CSNK1A1: variants seen among roughly 807,000 people sequenced by gnomAD.
The protein encoded by CSNK1A1 is casein kinase 1 alpha 1.
A neutral mutation model predicts 46.1 loss-of-function variants in CSNK1A1; 7 were observed. The observed-to-expected ratio is 0.15, with a 90% CI of 0.09 to 0.29. The LOEUF is 0.29. CSNK1A1 is among the 10% of genes least tolerant of loss of function. The pLI is 1.00. For synonymous variants in CSNK1A1, 137 were observed against 141.5 expected (o/e 0.97, Z 0.23); for missense variants, 96 against 417.1 (o/e 0.23, Z 6.71).
chr5:149,546,777 A>G lies in CSNK1A1; in HGVS notation c.230+3298T>C, dbSNP rs187595791. Among the ~76,000 whole-genome samples, 344 of 152,348 alleles carry G rather than the reference A, an allele frequency of 2.3e-3. 1 individual carries two copies. The highest frequency in any genetic ancestry group is 3.8e-3 in the Non-Finnish European group (256 of 68,038). On this transcript the variant is annotated intron_variant, in intron 2 of 9. Transcript: ENST00000377843. ...ATACTTCTAAAACAATAGATAACAC[A>G]TAACTTTTATCTAGCTAACACTAAA...
intron 2 of CSNK1A1, among the ~76,000 whole-genome samples, chr5:149,546,494 G>T (rs745723249): frequency 6.6e-6 from 1 of 151,950 alleles, no homozygotes; most frequent in African/African-American, 2.4e-5. Context: ...TTAGCTGGGC[G>T]TGGCAGCACG....
chr5:149,550,019 C>A lies in CSNK1A1; in HGVS notation c.230+56G>T, dbSNP rs1255805176. 87 of 1,582,756 alleles carry A rather than the reference C, an allele frequency of 5.5e-5. No homozygotes were observed. The highest frequency in any genetic ancestry group is 7.4e-5 in the Non-Finnish European group (86 of 1,161,290). On this transcript the variant is annotated intron_variant, in intron 2 of 9. Transcript: ENST00000377843. This position sits in a 1 kb window ranked among gnomAD's most constrained non-coding sequence, Gnocchi z 4.3. ...GCTGGTCTCATTACCTGCCTCTACC[C>A]ACTTCCCCATTCCGTGCTTCCCTCA...
intron 9 of CSNK1A1, chr5:149,504,483 CACT>C: frequency 1.0e-6 from 1 of 985,392 alleles, no homozygotes. Flanking sequence ...CTTACTTGCC[CACT>C]ACTTCCAGAA....
intron 2 of CSNK1A1, chr5:149,529,539 T>A (rs144372335): frequency 1.4e-4 from 45 of 316,156 alleles, no homozygotes; most frequent in Non-Finnish European, 2.7e-4. Context: ...AGGAAAATAG[T>A]CTGCTACCAG....
chr5:149,507,227 C>T (rs1192484036), intron 7 of CSNK1A1, 94 bp from the exon 8 acceptor site: 36 of 943,464 alleles, frequency 3.8e-5, no homozygotes, highest in Admixed American at 5.7e-5. Flanking sequence ...TATTTTTGGG[C>T]GGGATATTTT....
intron 2 of CSNK1A1, among the ~76,000 whole-genome samples, chr5:149,537,940 G>A (rs1762111068): frequency 6.7e-6 from 1 of 150,046 alleles, no homozygotes; most frequent in South Asian, 2.1e-4. Context: ...ACAATTACAT[G>A]CCAGGCTCAC....
Position 149,550,680 on chromosome 5 carries a change from G to T in CSNK1A1, c.123+162C>A, listed in dbSNP as rs565384667. On this transcript the variant is annotated intron_variant, in intron 1 of 9. Coordinates refer to ENST00000377843, the MANE Select transcript of CSNK1A1 (RefSeq NM_001892.6). The surrounding 1 kb of genome is among the most constrained non-coding windows in gnomAD (Gnocchi z 4.3). ...CTATCGGGTTCTTGACCCTTTTAGG[G>T]AGACAGCGGACGAGGTTCGTAAGCC... 2.6e-5 allele frequency among the ~76,000 whole-genome samples: 4 copies of T among 152,180 alleles called. No individual in the cohort carries two copies. The South Asian group carries it at 8.3e-4, about 32-fold the overall frequency.
At chr5:149,499,155 A>G in intron 9 of CSNK1A1, 1 of 985,450 alleles carries the variant, frequency 1.0e-6, no homozygotes, top group Non-Finnish European at 1.2e-6. Context: ...GTCTTGCAGT[A>G]CTAAGCATTC....
intron 2 of CSNK1A1, among the ~76,000 whole-genome samples, chr5:149,549,127 A>G (rs1762577311): frequency 6.6e-6 from 1 of 152,170 alleles, no homozygotes; most frequent in African/African-American, 2.4e-5. Flanking sequence ...AAAGGCCCCA[A>G]TTTCTCTGAT....
chr5:149,546,104 A>G (rs1321647694), intron 2 of CSNK1A1, among the ~76,000 whole-genome samples: 2 of 149,718 alleles, frequency 1.3e-5, no homozygotes, highest in African/African-American at 4.9e-5. Context: ...ACCTGTCTCT[A>G]CTACCCAGGC....
chr5:149,548,881 G>A (rs547939634), intron 2 of CSNK1A1, among the ~76,000 whole-genome samples: 1 of 152,240 alleles, frequency 6.6e-6, no homozygotes, highest in Admixed American at 6.5e-5. Context: ...TAAACAGTAA[G>A]TACCATTCTT....
intron 3 of CSNK1A1, among the ~76,000 whole-genome samples, chr5:149,523,036 T>C (rs1761619059): frequency 7.5e-6 from 1 of 132,914 alleles, no homozygotes; most frequent in Non-Finnish European, 1.5e-5. Context: ...AGTTAAAACA[T>C]ATTAAAGGCT....
At chr5:149,545,187 C>CT (rs1762436229) in intron 2 of CSNK1A1, among the ~76,000 whole-genome samples, 1 of 151,776 alleles carries the variant, frequency 6.6e-6, no homozygotes, top group South Asian at 2.1e-4. Context: ...AACCCCAGCA[C>CT]TGTTCAAGGG....
chr5:149,542,592 T>TTTTATA (rs1238655894), intron 2 of CSNK1A1, among the ~76,000 whole-genome samples: 1 of 26,696 alleles, frequency 3.7e-5, no homozygotes, highest in African/African-American at 1.3e-4. Flanking sequence ...AGATACAAAT[T>TTTTATA]TATATATATA....
intron 2 of CSNK1A1, among the ~76,000 whole-genome samples, chr5:149,535,505 G>A (rs1762033911): frequency 1.3e-5 from 2 of 152,076 alleles, no homozygotes; most frequent in African/African-American, 4.8e-5. Context: ...TAAGGCTCAA[G>A]TGACTTACCT....
chr5:149,509,956 G>A lies in CSNK1A1; in HGVS notation c.676-3C>T, dbSNP rs1297791575. ...TATTTTTGTTTCTTTGTTGCAGCCT[G>A]TGGAAAAGAATAAAATAAAAAAGAT... is the stretch of plus-strand genomic sequence containing the variant. On this transcript the variant is annotated splice_polypyrimidine_tract_variant and splice_region_variant and intron_variant, in intron 6 of 9. Transcript: ENST00000377843. The A allele has an allele frequency of 6.3e-7, 1 of 1,593,576 alleles. No individual in the cohort carries two copies. The highest frequency in any genetic ancestry group is 2.2e-5 in the East Asian group (1 of 44,510).
chr5:149,503,456 G>GT (rs1760933157), intron 9 of CSNK1A1: 1 of 985,314 alleles, frequency 1.0e-6, no homozygotes, highest in East Asian at 1.1e-4. Context: ...CCTTGGAAGT[G>GT]TATTTCTAAA....
At chr5:149,505,329 G>T in intron 9 of CSNK1A1, 118 bp downstream of exon 9, 1 of 1,434,728 alleles carries the variant, frequency 7.0e-7, no homozygotes, top group South Asian at 1.6e-5. Flanking sequence ...TTTTAACGCA[G>T]AGCCAAATTT....
chr5:149,503,362 A>G, intron 9 of CSNK1A1: 1 of 985,398 alleles, frequency 1.0e-6, no homozygotes, highest in Non-Finnish European at 1.2e-6. Context: ...AAAAAGAAAA[A>G]CAGATGTTTT....
Sources: gnomAD v4.1 joint callset for allele counts (sites outside exome capture counted in the v4.1 genomes callset) on GRCh38, gnomAD v4.1.1 for gene constraint, Gnocchi (gnomAD v3.1) non-coding constraint, MANE v1.5 for transcripts, NCBI Gene and HGNC (gene_info 2026-07-23, HGNC 2026-07-21) for gene names.